The following MYRFL variants were observed in gnomAD, a reference collection of about 807,000 sequenced individuals.
The protein encoded by MYRFL is myelin regulatory factor like, also known as myelin regulatory factor-like protein.
Under a neutral mutation model 109.4 loss-of-function variants are expected in MYRFL, and 88 were observed. That is an observed-to-expected ratio of 0.80 (90% confidence interval 0.68 to 0.96). The LOEUF is 0.96. Among genes scored for constraint, MYRFL ranks in the 40% least tolerant of loss-of-function variants. The pLI is 0.00. For synonymous variants in MYRFL, 324 were observed against 320.9 expected, an observed-to-expected ratio of 1.01 and a Z score of -0.10; for missense variants, 957 against 954.9, an observed-to-expected ratio of 1.00 and a Z score of -0.03.
At chr12:69,871,195 C>A (rs888205285) in intron 2 of MYRFL, among the ~76,000 whole-genome samples, 1 of 151,772 alleles carries the variant, frequency 6.6e-6, no homozygotes, top group Non-Finnish European at 1.5e-5. Context: ...TTGGCTCCCC[C>A]AGAGGCAGCC....
intron 13 of MYRFL, among the ~76,000 whole-genome samples, chr12:69,912,606 G>A (rs923424908): frequency 3.3e-5 from 5 of 152,020 alleles, no homozygotes; most frequent in East Asian, 3.9e-4. Context: ...TAATGTCCTC[G>A]AGGTTCATCT....
At chr12:69,926,916 GT>G (rs10716419) in intron 14 of MYRFL, among the ~76,000 whole-genome samples, 182 bp downstream of exon 14, 84,163 of 104,914 alleles carry the variant, frequency 0.8, 33,161 homozygotes, top group East Asian at 0.99. Flanking sequence ...AACTTTCTTA[GT>G]TTTTTTCTGT....
chr12:69,872,116 G>C (rs962330588), intron 2 of MYRFL, among the ~76,000 whole-genome samples: 2 of 148,364 alleles, frequency 1.3e-5, no homozygotes, highest in African/African-American at 4.9e-5. Context: ...CCTAAAAAAT[G>C]ACTCTTTTAT....
At chr12:69,832,764 G>T (rs11177888) in intron 1 of MYRFL, among the ~76,000 whole-genome samples, 16,236 of 152,140 alleles carry the variant, frequency 0.11, 1,192 homozygotes, top group Middle Eastern at 0.17. Context: ...TGACATTAGA[G>T]TTTGGATTTT....
intron 2 of MYRFL, among the ~76,000 whole-genome samples, chr12:69,877,826 T>G (rs1257769483): frequency 6.6e-6 from 1 of 152,138 alleles, no homozygotes. Flanking sequence ...GAGAATCAAG[T>G]AGAGGTTGGG....
chr12:69,863,924 A>G (rs1734000614), intron 2 of MYRFL, among the ~76,000 whole-genome samples: 1 of 152,218 alleles, frequency 6.6e-6, no homozygotes, highest in Non-Finnish European at 1.5e-5. Context: ...AATATGAAAT[A>G]CTTGGTCATT....
intron 13 of MYRFL, 22 bp from the exon 14 acceptor site, chr12:69,926,549 C>A (rs752963107): frequency 6.1e-6 from 9 of 1,471,634 alleles, no homozygotes; most frequent in Non-Finnish European, 8.1e-6. Context: ...TTTATGCACT[C>A]TGTTTGATTT....
intron 15 of MYRFL, among the ~76,000 whole-genome samples, chr12:69,931,209 G>C (rs922799487): frequency 2.0e-5 from 3 of 152,106 alleles, no homozygotes; most frequent in African/African-American, 7.2e-5. Flanking sequence ...CAGCTGTGGG[G>C]GTAGGTTGAA....
At chr12:69,861,463 C>T (rs1375737122) in intron 2 of MYRFL, among the ~76,000 whole-genome samples, 1 of 152,148 alleles carries the variant, frequency 6.6e-6, no homozygotes, top group African/African-American at 2.4e-5. Context: ...GATGGTATCT[C>T]ATTGTGGTTT....
chr12:69,859,385 A>G (rs1167560152), intron 2 of MYRFL, among the ~76,000 whole-genome samples: 4 of 152,174 alleles, frequency 2.6e-5, no homozygotes, highest in Admixed American at 6.6e-5. Context: ...CAGGTCTTCT[A>G]TATCCTTGCT....
intron 19 of MYRFL, among the ~76,000 whole-genome samples, chr12:69,944,692 GAAAAA>G (rs201140098): frequency 6.7e-6 from 1 of 149,998 alleles, no homozygotes; most frequent in Non-Finnish European, 1.5e-5. Context: ...AATAATAAAA[GAAAAA>G]AAAAGAAAAG....
chr12:69,924,429 TATAGAG>T (rs1231677155), intron 13 of MYRFL, among the ~76,000 whole-genome samples: 1 of 152,180 alleles, frequency 6.6e-6, no homozygotes, highest in East Asian at 1.9e-4. Flanking sequence ...CATAACAGTA[TATAGAG>T]ATATTCTTCC....
intron 13 of MYRFL, among the ~76,000 whole-genome samples, chr12:69,920,457 C>T (rs577389306): frequency 2.6e-5 from 4 of 152,308 alleles, no homozygotes; most frequent in African/African-American, 9.6e-5. Context: ...TTCAGTGCCT[C>T]GTGCCATGAA....
chr12:69,833,875 C>T (rs929771052), intron 1 of MYRFL, among the ~76,000 whole-genome samples: 19 of 135,130 alleles, frequency 1.4e-4, no homozygotes, highest in Non-Finnish European at 2.5e-4. Flanking sequence ...AAAATTATTC[C>T]GGACTGCTAG....
At chr12:69,917,033 C>A (rs565813456) in intron 13 of MYRFL, among the ~76,000 whole-genome samples, 1 of 152,130 alleles carries the variant, frequency 6.6e-6, no homozygotes, top group African/African-American at 2.4e-5. Context: ...TCTCTCTGTT[C>A]CTCAAACCTG....
chr12:69,923,443 T>G (rs1000735086), intron 13 of MYRFL, among the ~76,000 whole-genome samples: 3 of 152,202 alleles, frequency 2.0e-5, no homozygotes, highest in South Asian at 2.1e-4. Context: ...AAATAAAATA[T>G]ATCAGAAATT....
chr12:69,890,330 T>G (rs1312669001), intron 6 of MYRFL, among the ~76,000 whole-genome samples: 1 of 152,230 alleles, frequency 6.6e-6, no homozygotes, highest in Non-Finnish European at 1.5e-5. Flanking sequence ...TGTTGACTTC[T>G]CAACATCTAG....
intron 2 of MYRFL, among the ~76,000 whole-genome samples, chr12:69,859,046 T>TA (rs1054531903): frequency 4.0e-5 from 6 of 151,632 alleles, no homozygotes; most frequent in Non-Finnish European, 5.9e-5. Flanking sequence ...TATATATATA[T>TA]TTTTTTCAGT....
At chr12:69,931,195 T>A (rs193041473) in intron 15 of MYRFL, among the ~76,000 whole-genome samples, 1 of 152,300 alleles carries the variant, frequency 6.6e-6, no homozygotes, top group East Asian at 1.9e-4. Flanking sequence ...TTAAAATAAT[T>A]CAGCAGCTGT....
Sources: gnomAD v4.1 joint callset for allele counts (sites outside exome capture counted in the v4.1 genomes callset) on GRCh38, gnomAD v4.1.1 for gene constraint, MANE v1.5 for transcripts, NCBI Gene and HGNC (gene_info 2026-07-23, HGNC 2026-07-21) for gene names.